The following MEIS2 variants were observed in gnomAD, a reference collection of about 807,000 sequenced individuals.
MEIS2 encodes homeobox protein Meis2.
A neutral mutation model predicts 58.6 loss-of-function variants in MEIS2; 9 were observed. That is an observed-to-expected ratio of 0.15 (90% CI 0.09 to 0.27). The LOEUF is 0.27. Ranked by LOEUF, MEIS2 falls within the 10% of genes least tolerant of loss-of-function variation. The pLI, the probability that MEIS2 is intolerant of heterozygous loss-of-function variation, is 1.00. For missense variants in MEIS2, 427 were observed against 635.0 expected, an observed-to-expected ratio of 0.67 and a Z score of 3.52; for synonymous variants, 221 against 228.4, an observed-to-expected ratio of 0.97 and a Z score of 0.29.
intron 8 of MEIS2, 118 bp downstream of exon 8, chr15:37,036,696 C>T: frequency 8.6e-7 from 1 of 1,157,648 alleles, no homozygotes; most frequent in South Asian, 1.7e-5. Flanking sequence ...TGTTAGTCAT[C>T]AGATTTCAAG....
chr15:36,938,678 A>T (rs1332206156), intron 9 of MEIS2, among the ~76,000 whole-genome samples: 2 of 152,142 alleles, frequency 1.3e-5, no homozygotes, highest in Non-Finnish European at 2.9e-5. Context: ...TTTTCCTCTC[A>T]CTTGCTTTGG....
intron 9 of MEIS2, among the ~76,000 whole-genome samples, chr15:36,907,625 A>G (rs916030546): frequency 6.6e-6 from 1 of 152,220 alleles, no homozygotes; most frequent in African/African-American, 2.4e-5. Context: ...AGGTGGCAAC[A>G]TTCTTAGGGC....
At chr15:36,933,047 C>G (rs942967475) in intron 9 of MEIS2, among the ~76,000 whole-genome samples, 3 of 152,134 alleles carry the variant, frequency 2.0e-5, no homozygotes, top group Non-Finnish European at 1.5e-5. Flanking sequence ...CCCCTTCTCT[C>G]AGCACCCACA....
chr15:37,049,697 A>G (rs1301589337), intron 7 of MEIS2, among the ~76,000 whole-genome samples: 1 of 151,244 alleles, frequency 6.6e-6, no homozygotes, highest in Non-Finnish European at 1.5e-5. Context: ...CACGATGGTC[A>G]TGCTGGTCTC....
At chr15:37,044,983 A>C (rs1357712244) in intron 7 of MEIS2, among the ~76,000 whole-genome samples, 28 of 152,164 alleles carry the variant, frequency 1.8e-4, no homozygotes, top group Admixed American at 1.7e-3. Context: ...CAGGAAAGAG[A>C]TTCCCTGGCT....
At chr15:37,099,416 G>A (rs750397368) in intron 1 of MEIS2, 39 bp downstream of exon 1, 8 of 1,613,898 alleles carry the variant, frequency 5.0e-6, no homozygotes, top group Non-Finnish European at 6.8e-6. Context: ...TCTTAGGAGA[G>A]GATTTATATC....
chr15:36,913,265 G>A (rs1469115961), intron 9 of MEIS2, among the ~76,000 whole-genome samples: 1 of 152,202 alleles, frequency 6.6e-6, no homozygotes, highest in East Asian at 1.9e-4. Context: ...ATCCATAGAT[G>A]TGGTTGCAGA....
intron 9 of MEIS2, among the ~76,000 whole-genome samples, chr15:36,910,067 G>A (rs2056932378): frequency 6.6e-6 from 1 of 152,002 alleles, no homozygotes; most frequent in Admixed American, 6.6e-5. Context: ...AGTCAGGCAT[G>A]GTGGCTTGTA....
intron 9 of MEIS2, among the ~76,000 whole-genome samples, chr15:36,932,758 C>T (rs1167979259): frequency 6.6e-6 from 1 of 152,094 alleles, no homozygotes. Flanking sequence ...CAGAGAAGTC[C>T]ATGACCCAGC....
intron 7 of MEIS2, among the ~76,000 whole-genome samples, chr15:37,073,462 T>C (rs1890978746): frequency 6.6e-6 from 1 of 151,984 alleles, no homozygotes; most frequent in South Asian, 2.1e-4. Flanking sequence ...CCCTTGTGAT[T>C]TCCATATTTT....
At chr15:37,014,237 T>G (rs2061264992) in intron 8 of MEIS2, among the ~76,000 whole-genome samples, 1 of 152,214 alleles carries the variant, frequency 6.6e-6, no homozygotes, top group African/African-American at 2.4e-5. Flanking sequence ...AAGACCTTTA[T>G]CTGCACTTCA....
Position 37,006,223 on chromosome 15 carries a change from G to A in MEIS2, c.900+30591C>T, listed in dbSNP as rs142233030. Among the ~76,000 whole-genome samples the A allele has an allele frequency of 3.2e-3, 480 of 152,140 alleles. 1 individual carries two copies. Among genetic ancestry groups the A allele is most frequent in the African/African-American group, 0.011 (462 of 41,500 alleles). ...TTGATAGTGATTCAGCATTGCTACT[G>A]TTTTTCATACCATAAAAAATCATTA... On this transcript the variant is annotated intron_variant, in intron 8 of 11. Coordinates refer to ENST00000561208, the MANE Select transcript of MEIS2 (RefSeq NM_170675.5).
At chr15:37,096,094 A>G (rs949319610) in intron 3 of MEIS2, 195 bp downstream of exon 3, 19 of 564,574 alleles carry the variant, frequency 3.4e-5, no homozygotes, top group African/African-American at 2.1e-4. Context: ...GCTGGGGGGG[A>G]AAACAAACAC....
intron 8 of MEIS2, among the ~76,000 whole-genome samples, chr15:37,007,063 T>A (rs1244359552): frequency 6.6e-6 from 1 of 152,238 alleles, no homozygotes; most frequent in Non-Finnish European, 1.5e-5. Context: ...GAAATGAGAA[T>A]AATAACAGTG....
chr15:37,032,002 G>C (rs1467164105), intron 8 of MEIS2, among the ~76,000 whole-genome samples: 1 of 151,944 alleles, frequency 6.6e-6, no homozygotes, highest in African/African-American at 2.4e-5. Flanking sequence ...ACCACACCCG[G>C]CTAAATTTTT....
At chr15:36,924,565 G>A (rs1178766850) in intron 9 of MEIS2, among the ~76,000 whole-genome samples, 1 of 152,190 alleles carries the variant, frequency 6.6e-6, no homozygotes, top group Non-Finnish European at 1.5e-5. Flanking sequence ...GGGCGCCAGT[G>A]AGGACTGGCC....
chr15:36,960,644 C>T (rs1595815802), intron 8 of MEIS2, among the ~76,000 whole-genome samples: 1 of 152,098 alleles, frequency 6.6e-6, no homozygotes, highest in South Asian at 2.1e-4. Context: ...ACACAGAGAG[C>T]TTCTTTCTGC....
At chr15:36,929,968 C>A (rs532697287) in intron 9 of MEIS2, among the ~76,000 whole-genome samples, 2 of 151,984 alleles carry the variant, frequency 1.3e-5, no homozygotes, top group African/African-American at 4.8e-5. Flanking sequence ...TTTGGGAGGC[C>A]AAGGTGGGTG....
intron 9 of MEIS2, among the ~76,000 whole-genome samples, chr15:36,903,501 C>G (rs773416546): frequency 6.6e-6 from 1 of 152,164 alleles, no homozygotes; most frequent in Non-Finnish European, 1.5e-5. Context: ...CATTAAAATT[C>G]CAGATCTGGA....
Sources: gnomAD v4.1 joint callset for allele counts (sites outside exome capture counted in the v4.1 genomes callset) on GRCh38, gnomAD v4.1.1 for gene constraint, MANE v1.5 for transcripts, NCBI Gene and HGNC (gene_info 2026-07-23, HGNC 2026-07-21) for gene names.